PSMD9: variants seen among roughly 807,000 people sequenced by gnomAD.
PSMD9 encodes proteasome 26S subunit, non-ATPase 9.
Under a neutral mutation model 25.9 loss-of-function variants are expected in PSMD9, and 26 were observed. That is an observed-to-expected ratio of 1.00 (90% confidence interval 0.73 to 1.39). PSMD9 has a LOEUF of 1.39. Among genes scored for constraint, PSMD9 ranks in the 40% most tolerant of loss-of-function variants. PSMD9 has a pLI of 0.00. For synonymous variants in PSMD9, 110 were observed against 114.5 expected (o/e 0.96, Z 0.25); for missense variants, 303 against 299.3 (o/e 1.01, Z -0.09).
chr12:121,901,029 T>TGCG (rs1358412555), intron 3 of PSMD9, among the ~76,000 whole-genome samples: 3 of 151,022 alleles, frequency 2.0e-5, no homozygotes, highest in Non-Finnish European at 4.4e-5. Flanking sequence ...TTCGCTCTGT[T>TGCG]GCGTAGGTTG....
intron 2 of PSMD9, among the ~76,000 whole-genome samples, chr12:121,895,933 A>G (rs1283593790): frequency 6.6e-6 from 1 of 152,308 alleles, no homozygotes; most frequent in African/African-American, 2.4e-5. Flanking sequence ...ATTAGCATTT[A>G]TCCTCCACAT....
At chr12:121,894,911 C>A in intron 2 of PSMD9, 70 bp downstream of exon 2, 2 of 1,309,844 alleles carry the variant, frequency 1.5e-6, no homozygotes, top group Non-Finnish European at 2.2e-6. Flanking sequence ...CAAATAAAAC[C>A]AACTATCTGT....
intron 4 of PSMD9, among the ~76,000 whole-genome samples, chr12:121,909,137 G>C (rs905817140): frequency 1.3e-5 from 2 of 152,006 alleles, no homozygotes; most frequent in African/African-American, 4.8e-5. Flanking sequence ...GTGGAGGAAG[G>C]GGTCAATCAA....
In PSMD9 at chr12:121,888,856, G is replaced by C; in HGVS notation, c.-1G>C. The C allele has an allele frequency of 6.2e-7, 1 of 1,602,370 alleles. No homozygotes were observed. The highest frequency in any genetic ancestry group is 8.5e-7 in the Non-Finnish European group (1 of 1,175,506). On this transcript the variant is annotated 5_prime_UTR_variant, in exon 1 of 6. Transcript: ENST00000541212. The stretch of plus-strand genomic sequence containing the variant: ...TCTGGAGTCGCGGCCCGGGGTTCAC[G>C]ATGTCCGACGAGGAAGCGAGGCAGA...
rs564865636 is a variant in PSMD9 at position 121,907,182 on chromosome 12, G to C, written c.555+4075G>C. ...CCTCACAGATTCAAGCGATTCTCCT[G>C]CCTCAGCCTCCCAAGTAGTTGGGAC... is the stretch of plus-strand genomic sequence containing the variant. On this transcript the variant is annotated intron_variant, in intron 4 of 5. Coordinates refer to ENST00000541212, the MANE Select transcript of PSMD9 (RefSeq NM_002813.7). Among the ~76,000 whole-genome samples the C allele has an allele frequency of 2.7e-5, 4 of 149,610 alleles. No homozygotes were observed. In the East Asian group the frequency reaches 8.2e-4, roughly 31 times the overall value.
intron 5 of PSMD9, 159 bp downstream of exon 5, chr12:121,916,103 A>G: frequency 1.7e-6 from 2 of 1,143,646 alleles, no homozygotes; most frequent in South Asian, 2.7e-5. Flanking sequence ...ACGAGACTAC[A>G]GCTCTAGAAG....
intron 4 of PSMD9, among the ~76,000 whole-genome samples, chr12:121,912,383 C>T (rs982163195): frequency 7.2e-5 from 11 of 152,034 alleles, no homozygotes; most frequent in African/African-American, 1.5e-4. Flanking sequence ...TGCCGTGCAC[C>T]GTTTCACATT....
At chr12:121,903,752 C>CT (rs11300031) in intron 4 of PSMD9, among the ~76,000 whole-genome samples, 80 of 123,478 alleles carry the variant, frequency 6.5e-4, no homozygotes, top group East Asian at 1.6e-3. Flanking sequence ...GAGATCTTTT[C>CT]TTTTTTTTTT....
At chr12:121,903,850 A>G (rs755422527) in intron 4 of PSMD9, among the ~76,000 whole-genome samples, 15 of 136,276 alleles carry the variant, frequency 1.1e-4, no homozygotes, top group Admixed American at 7.8e-4. Context: ...ATTTTTTTAT[A>G]TTTTGTGGAG....
chr12:121,915,414 T>C (rs1879867140), intron 4 of PSMD9: 1 of 155,776 alleles, frequency 6.4e-6, no homozygotes, highest in South Asian at 2.0e-4. Context: ...CTTCATTCTC[T>C]GTACTGTATT....
In PSMD9 at chr12:121,903,114, G is replaced by A; in HGVS notation, c.555+7G>A. The A allele has an allele frequency of 6.2e-7, 1 of 1,609,786 alleles. No individual in the cohort carries two copies. The highest frequency in any genetic ancestry group is 8.5e-7 in the Non-Finnish European group (1 of 1,176,304). On this transcript the variant is annotated splice_region_variant and intron_variant, in intron 4 of 5. Coordinates refer to ENST00000541212, the MANE Select transcript of PSMD9 (RefSeq NM_002813.7). The stretch of plus-strand genomic sequence containing the variant: ...GGTGCAGCACAGTGAGGGGGTGAGT[G>A]GGGCTACCTGGTGTCTCGGTCTGTT...
At chr12:121,890,530 C>T (rs1483329851) in intron 1 of PSMD9, among the ~76,000 whole-genome samples, 1 of 152,038 alleles carries the variant, frequency 6.6e-6, no homozygotes, top group African/African-American at 2.4e-5. Context: ...TTCAGTGGCA[C>T]CATCTTGGTT....
intron 1 of PSMD9, 135 bp from the exon 2 acceptor site, chr12:121,894,592 AGTAGAGCCCCTG>A (rs1879177554): frequency 3.0e-6 from 2 of 672,066 alleles, no homozygotes; most frequent in Middle Eastern, 5.4e-4. Flanking sequence ...TGAGGGCATG[AGTAGAGCCCCTG>A]GTGTAAGTGA....
At chr12:121,891,495 G>A (rs1245795980) in intron 1 of PSMD9, among the ~76,000 whole-genome samples, 1 of 151,808 alleles carries the variant, frequency 6.6e-6, no homozygotes, top group South Asian at 2.1e-4. Flanking sequence ...AGCTACTCTG[G>A]AGGCTGAGGC....
chr12:121,899,095 C>G (rs774961459), intron 2 of PSMD9: 1 of 153,472 alleles, frequency 6.5e-6, no homozygotes, highest in Non-Finnish European at 1.5e-5. Context: ...ACCTCGTGAT[C>G]TGCCTGCCTC....
In PSMD9 at chr12:121,901,666, C is replaced by CTTTTTTTTTTTTTTTTTT. The variant is rs563939839; in HGVS notation, c.454-1330_454-1313dup. On this transcript the variant is annotated intron_variant, in intron 3 of 5. Coordinates refer to ENST00000541212, the MANE Select transcript of PSMD9 (RefSeq NM_002813.7). ...TGTCATGCCTGGCCCTTCATTCCTT[C>CTTTTTTTTTTTTTTTTTT]TTTTTTTTTTTTTTTTTTTTTTTTT... Among the ~76,000 whole-genome samples the CTTTTTTTTTTTTTTTTTT allele has an allele frequency of 2.4e-4, 22 of 93,604 alleles. 3 individuals are homozygous for CTTTTTTTTTTTTTTTTTT. The highest frequency in any genetic ancestry group is 4.7e-4 in the African/African-American group (8 of 16,984). The allele number at this position is 93,604 out of a possible 152,430, so 61.4% of individuals were successfully genotyped here. A position where few individuals can be genotyped will look rare whatever the true frequency, so the allele number is the denominator to read the frequency against.
At chr12:121,890,831 C>A (rs1439613166) in intron 1 of PSMD9, among the ~76,000 whole-genome samples, 1 of 152,056 alleles carries the variant, frequency 6.6e-6, no homozygotes, top group Admixed American at 6.6e-5. Context: ...ATGATAATCT[C>A]TTCTCTTAAA....
At chr12:121,909,849 G>T (rs886457637) in intron 4 of PSMD9, among the ~76,000 whole-genome samples, 5 of 152,066 alleles carry the variant, frequency 3.3e-5, no homozygotes, top group African/African-American at 1.2e-4. Context: ...GTGGTGTAGC[G>T]AGTGTCCTTG....
intron 2 of PSMD9, chr12:121,897,171 A>G (rs974565738): frequency 3.3e-5 from 5 of 152,186 alleles, no homozygotes; most frequent in African/African-American, 1.2e-4. Flanking sequence ...GAGGCCTCCC[A>G]AATATATACA....
Sources: gnomAD v4.1 joint callset for allele counts (sites outside exome capture counted in the v4.1 genomes callset) on GRCh38, gnomAD v4.1.1 for gene constraint, MANE v1.5 for transcripts, NCBI Gene and HGNC (gene_info 2026-07-23, HGNC 2026-07-21) for gene names.